Variants in PLXDC2 observed in about 807,000 individuals in gnomAD.
PLXDC2 encodes plexin domain-containing protein 2.
A neutral mutation model predicts 68.9 loss-of-function variants in PLXDC2; 40 were observed. That is an observed-to-expected ratio of 0.58 (90% CI 0.45 to 0.76). The LOEUF (loss-of-function observed/expected upper bound fraction) is 0.76. PLXDC2 is among the 30% of genes least tolerant of loss of function. The probability of loss-of-function intolerance (pLI) is 0.00; values close to 1 mark genes in which losing one functional copy is unlikely to be tolerated. For synonymous variants in PLXDC2, 243 were observed against 234.2 expected (o/e 1.04, Z -0.34); for missense variants, 644 against 661.9 (o/e 0.97, Z 0.30).
intron 4 of PLXDC2, among the ~76,000 whole-genome samples, chr10:20,079,905 C>A: frequency 6.6e-6 from 1 of 152,018 alleles, no homozygotes; most frequent in African/African-American, 2.4e-5. Flanking sequence ...ACCTATGTAA[C>A]AAACCTGCAC....
intron 10 of PLXDC2, among the ~76,000 whole-genome samples, chr10:20,213,420 AATTT>A (rs1835095352): frequency 6.6e-6 from 1 of 151,994 alleles, no homozygotes; most frequent in Non-Finnish European, 1.5e-5. Context: ...CCACTGTATT[AATTT>A]CTATTGTTTT....
chr10:20,270,720 T>G (rs1274797633), intron 13 of PLXDC2, among the ~76,000 whole-genome samples: 12 of 152,054 alleles, frequency 7.9e-5, no homozygotes, highest in African/African-American at 2.9e-4. Flanking sequence ...AATTTTTGTA[T>G]TTTTAGTAGA....
At chr10:20,271,701 A>G (rs893489122) in intron 13 of PLXDC2, among the ~76,000 whole-genome samples, 11 of 152,148 alleles carry the variant, frequency 7.2e-5, no homozygotes, top group African/African-American at 2.4e-4. Context: ...GAGGCCCTCT[A>G]TGGAATGCAG....
At chr10:20,223,972 A>ATTTTT (rs10561584) in intron 12 of PLXDC2, among the ~76,000 whole-genome samples, 1 of 133,452 alleles carries the variant, frequency 7.5e-6, no homozygotes, top group Admixed American at 7.6e-5. Flanking sequence ...CCTAGAATGT[A>ATTTTT]TTTTTTTTTT....
chr10:20,202,218 T>A (rs1314050834), intron 9 of PLXDC2, among the ~76,000 whole-genome samples: 3 of 152,154 alleles, frequency 2.0e-5, no homozygotes, highest in African/African-American at 7.2e-5. Flanking sequence ...TTGCAACAAA[T>A]ATTTAGCTTC....
At chr10:20,073,272 C>T (rs1343775347) in intron 4 of PLXDC2, among the ~76,000 whole-genome samples, 1 of 152,188 alleles carries the variant, frequency 6.6e-6, no homozygotes, top group East Asian at 1.9e-4. Context: ...ATTGTTTTGC[C>T]ATTTCCCTTA....
intron 1 of PLXDC2, among the ~76,000 whole-genome samples, chr10:19,833,240 T>C (rs1836727771): frequency 6.6e-6 from 1 of 152,188 alleles, no homozygotes; most frequent in African/African-American, 2.4e-5. Flanking sequence ...GGTCTAATGA[T>C]AGTCAAGTGC....
At chr10:20,211,238 A>G (rs1835065215) in intron 9 of PLXDC2, among the ~76,000 whole-genome samples, 2 of 152,118 alleles carry the variant, frequency 1.3e-5, no homozygotes. Flanking sequence ...TGGGTCTTGA[A>G]TGAATGAGTA....
intron 5 of PLXDC2, among the ~76,000 whole-genome samples, chr10:20,146,381 C>T (rs1014852209): frequency 3.3e-5 from 5 of 151,334 alleles, no homozygotes; most frequent in Admixed American, 6.6e-5. Flanking sequence ...TCCTCCCTCC[C>T]TCCTTTCTTT....
chr10:19,828,479 A>T (rs926087330), intron 1 of PLXDC2, among the ~76,000 whole-genome samples: 7 of 152,236 alleles, frequency 4.6e-5, no homozygotes, highest in African/African-American at 1.7e-4. Context: ...ACGGCTCTGA[A>T]GTCAGGCTTG....
At chr10:20,048,543 T>C (rs765925822) in intron 3 of PLXDC2, among the ~76,000 whole-genome samples, 1 of 152,168 alleles carries the variant, frequency 6.6e-6, no homozygotes, top group Non-Finnish European at 1.5e-5. Flanking sequence ...ACCTTCCTAC[T>C]ATGGCATTTA....
At chr10:20,210,929 C>G (rs1835061278) in intron 9 of PLXDC2, among the ~76,000 whole-genome samples, 1 of 152,142 alleles carries the variant, frequency 6.6e-6, no homozygotes. Context: ...GCCCTTGTGA[C>G]TAATCTTATC....
At chr10:20,048,887 T>C (rs1216302677) in intron 3 of PLXDC2, among the ~76,000 whole-genome samples, 1 of 152,098 alleles carries the variant, frequency 6.6e-6, no homozygotes, top group Admixed American at 6.6e-5. Context: ...AGACAGTCCA[T>C]TTTTTTCTTA....
rs188904368 is a variant in PLXDC2, at chr10:20,277,622, A to G, written c.1474-2081A>G. On this transcript the variant is annotated intron_variant, in intron 13 of 13. Transcript: ENST00000377252. ...CTCATTATGAAAGTATTCTAAAAAG[A>G]AAGGAGAATTTTGGTGAAGTTGTTA... is the stretch of plus-strand genomic sequence containing the variant. 3.9e-5 allele frequency among the ~76,000 whole-genome samples: 6 copies of G among 152,344 alleles called. No individual in the cohort carries two copies. In the South Asian group the frequency reaches 8.3e-4, roughly 21 times the overall value.
intron 12 of PLXDC2, among the ~76,000 whole-genome samples, chr10:20,231,467 G>T (rs1042869883): frequency 2.0e-5 from 3 of 151,426 alleles, no homozygotes; most frequent in Admixed American, 2.0e-4. Context: ...AGGAAAAAAG[G>T]TTTAAAATTA....
At chr10:20,059,780 TAA>T (rs61451675) in intron 3 of PLXDC2, among the ~76,000 whole-genome samples, 2 of 151,590 alleles carry the variant, frequency 1.3e-5, no homozygotes, top group African/African-American at 4.9e-5. Context: ...AAAATCCCTT[TAA>T]AAAAAAATTC....
chr10:20,079,696 C>T (rs1836515621), intron 4 of PLXDC2, among the ~76,000 whole-genome samples: 1 of 152,164 alleles, frequency 6.6e-6, no homozygotes, highest in Non-Finnish European at 1.5e-5. Context: ...GAAAACCAAA[C>T]ACCACATGTT....
intron 1 of PLXDC2, among the ~76,000 whole-genome samples, chr10:19,912,508 A>G (rs1378068046): frequency 1.3e-5 from 2 of 152,160 alleles, no homozygotes; most frequent in Non-Finnish European, 1.5e-5. Context: ...CTTATGATAC[A>G]TATGACTTTG....
intron 1 of PLXDC2, among the ~76,000 whole-genome samples, chr10:19,950,898 G>A (rs377581318): frequency 6.6e-6 from 1 of 152,140 alleles, no homozygotes; most frequent in Non-Finnish European, 1.5e-5. Context: ...TAAGCAAGGG[G>A]AGAAGGACTG....
Sources: gnomAD v4.1 joint callset for allele counts (sites outside exome capture counted in the v4.1 genomes callset) on GRCh38, gnomAD v4.1.1 for gene constraint, MANE v1.5 for transcripts, NCBI Gene and HGNC (gene_info 2026-07-23, HGNC 2026-07-21) for gene names.